Variants in KCNQ1 observed in about 807,000 individuals in gnomAD.
KCNQ1 encodes potassium voltage-gated channel subfamily KQT member 1.
Under a neutral mutation model 72.4 loss-of-function variants are expected in KCNQ1, and 49 were observed. The ratio of observed to expected loss-of-function variants is 0.68; its 90% CI spans 0.54 to 0.86. The LOEUF (loss-of-function observed/expected upper bound fraction) is 0.86, where lower values mean the gene tolerates loss of function less well. KCNQ1 is among the 40% of genes least tolerant of loss of function. KCNQ1 has a pLI of 0.00. For synonymous variants in KCNQ1, 450 were observed against 412.6 expected, an observed-to-expected ratio of 1.09 and a Z score of -1.10; for missense variants, 790 against 945.1, an observed-to-expected ratio of 0.84 and a Z score of 2.15.
In KCNQ1 at chr11:2,531,364, C is replaced by T. The variant is rs567053137; in HGVS notation, c.477+3346C>T. On this transcript the variant is annotated intron_variant, in intron 2 of 15. Transcript: ENST00000155840. ...GAATCACCAGCAGCACCCCAAGGCCCCCATGCGGCATCTAAACCAGGCAGG... is the reference window on the plus strand; with the variant it reads ...GAATCACCAGCAGCACCCCAAGGCCTCCATGCGGCATCTAAACCAGGCAGG... 1.2e-4 allele frequency among the ~76,000 whole-genome samples: 18 copies of T among 152,286 alleles called. No individual in the cohort carries two copies. In the South Asian group the frequency reaches 3.5e-3, roughly 30 times the overall value.
chr11:2,749,812 C>CA (rs956347490), intron 11 of KCNQ1, among the ~76,000 whole-genome samples: 24 of 150,390 alleles, frequency 1.6e-4, no homozygotes, highest in African/African-American at 5.4e-4. Flanking sequence ...GACTCCATCT[C>CA]AAAAAATATA....
chr11:2,740,726 C>T (rs1053488034), intron 11 of KCNQ1, among the ~76,000 whole-genome samples: 5 of 152,342 alleles, frequency 3.3e-5, no homozygotes, highest in African/African-American at 9.6e-5. Context: ...CCTAGGGGCG[C>T]CCACATCCCT....
intron 11 of KCNQ1, chr11:2,693,996 C>T: frequency 2.5e-6 from 1 of 398,738 alleles, no homozygotes; most frequent in Non-Finnish European, 4.4e-6. Flanking sequence ...AGCCCGGCCT[C>T]TCTAGGCCAC....
In KCNQ1 at chr11:2,653,409, A is replaced by G. The variant is rs754185235; in HGVS notation, c.1394-8552A>G. On this transcript the variant is annotated intron_variant, in intron 10 of 15. Transcript: ENST00000155840. The surrounding 1 kb of genome is among the most constrained non-coding windows in gnomAD (Gnocchi z 5.3). ...GACTCTCTTGGTAACAAATGATGGA[A>G]CCCCAACTCAAACAAGCTTAAGCAC... The G allele has an allele frequency of 1.8e-4, 71 of 398,358 alleles. No individual in the cohort carries two copies. The highest frequency in any genetic ancestry group is 2.9e-4 in the Non-Finnish European group (66 of 226,100). The allele number at this position is 398,358 out of a possible 1,614,324, so 24.7% of individuals were successfully genotyped here.
At chr11:2,680,588 T>A in intron 11 of KCNQ1, 1 of 398,508 alleles carries the variant, frequency 2.5e-6, no homozygotes. Flanking sequence ...TTACCTAGTC[T>A]CCCCCGATAG....
At chr11:2,757,388 T>A (rs1055886887) in intron 11 of KCNQ1, among the ~76,000 whole-genome samples, 2 of 152,224 alleles carry the variant, frequency 1.3e-5, no homozygotes, top group African/African-American at 4.8e-5. Flanking sequence ...AAGATGTATA[T>A]ACTAAAAACT....
At chr11:2,580,608 C>G (rs1217996755) in intron 6 of KCNQ1, among the ~76,000 whole-genome samples, 1 of 152,156 alleles carries the variant, frequency 6.6e-6, no homozygotes. Flanking sequence ...CCTGTTAGTG[C>G]CCCCCAGCCA....
At chr11:2,765,714 A>G (rs1846485046) in intron 11 of KCNQ1, among the ~76,000 whole-genome samples, 1 of 152,240 alleles carries the variant, frequency 6.6e-6, no homozygotes, top group African/African-American at 2.4e-5. Context: ...TTTTATAAAT[A>G]GGACATATTC....
intron 15 of KCNQ1, among the ~76,000 whole-genome samples, chr11:2,839,354 T>C (rs944478647): frequency 6.6e-6 from 1 of 152,220 alleles, no homozygotes; most frequent in Admixed American, 6.5e-5. Flanking sequence ...GTCCCCACCC[T>C]GAAGTTGACA....
intron 1 of KCNQ1, among the ~76,000 whole-genome samples, chr11:2,520,362 G>A (rs1589926173): frequency 6.6e-6 from 1 of 152,334 alleles, no homozygotes; most frequent in East Asian, 1.9e-4. Flanking sequence ...GGCCCTCGGT[G>A]TGGGCCAGGG....
intron 11 of KCNQ1, chr11:2,684,988 G>A: frequency 5.0e-6 from 2 of 398,658 alleles, no homozygotes; most frequent in Non-Finnish European, 8.8e-6. Context: ...TTACGGACTG[G>A]TTGCTTTTCA....
intron 10 of KCNQ1, chr11:2,625,275 A>C (rs1849244851): frequency 1.5e-5 from 6 of 398,518 alleles, no homozygotes; most frequent in Non-Finnish European, 2.7e-5. Context: ...TTTTGAGACA[A>C]GATCTGGCTC....
Position 2,495,417 on chromosome 11 carries a change from A to C in KCNQ1, c.387-32511A>C, listed in dbSNP as rs995003485. Among the ~76,000 whole-genome samples, 14 of 151,854 alleles carry C rather than the reference A, an allele frequency of 9.2e-5. No individual in the cohort carries two copies. The highest frequency in any genetic ancestry group is 3.4e-4 in the African/African-American group (14 of 41,304). ...TTGCTCTTGCTTCTCTAGTTCTTTT[A>C]ATTGTGATGTTTGGGTGTCGATTTC... is the stretch of plus-strand genomic sequence containing the variant. On this transcript the variant is annotated intron_variant, in intron 1 of 15. Transcript: ENST00000155840. The surrounding 1 kb of genome is among the most constrained non-coding windows in gnomAD (Gnocchi z 4.6).
chr11:2,717,216 G>A (rs1851107619), intron 11 of KCNQ1, among the ~76,000 whole-genome samples: 1 of 152,186 alleles, frequency 6.6e-6, no homozygotes, highest in Non-Finnish European at 1.5e-5. Flanking sequence ...GTGTCCCTCA[G>A]ACCCCACGGC....
At chr11:2,842,817 GCT>G (rs1172845964) in intron 15 of KCNQ1, among the ~76,000 whole-genome samples, 1 of 152,220 alleles carries the variant, frequency 6.6e-6, no homozygotes, top group African/African-American at 2.4e-5. Context: ...TGAGCACCAT[GCT>G]CTGTCCCTGG....
rs1019868888 is a variant in KCNQ1, at chr11:2,457,687, C to T, written c.386+12203C>T. On this transcript the variant is annotated intron_variant, in intron 1 of 15. Transcript: ENST00000155840. The surrounding 1 kb of genome is among the most constrained non-coding windows in gnomAD (Gnocchi z 5.0). ...TTACCTGTGGGTGCTGTGCGCACTA[C>T]GTGGGAGACCGGATCGTTTGTACTC... Among the ~76,000 whole-genome samples, 4 of 151,998 alleles carry T rather than the reference C, an allele frequency of 2.6e-5. No individual in the cohort carries two copies. Among genetic ancestry groups the T allele is most frequent in the African/African-American group, 4.8e-5 (2 of 41,334 alleles).
At chr11:2,577,739 A>G (rs1848444078) in intron 6 of KCNQ1, among the ~76,000 whole-genome samples, 1 of 151,878 alleles carries the variant, frequency 6.6e-6, no homozygotes, top group African/African-American at 2.4e-5. Flanking sequence ...TGTTCCTGAG[A>G]GACAGGCCGG....
In KCNQ1 at chr11:2,587,563, A is replaced by G. The variant is rs757690507; in HGVS notation, c.1129-7A>G. 1.2e-6 allele frequency: 2 copies of G among 1,613,446 alleles called. No homozygotes were observed. The highest frequency in any genetic ancestry group is 2.2e-5 in the South Asian group (2 of 91,078). On this transcript the variant is annotated splice_polypyrimidine_tract_variant and splice_region_variant and intron_variant, in intron 8 of 15. Coordinates refer to ENST00000155840, the MANE Select transcript of KCNQ1 (RefSeq NM_000218.3). ...AGGTGACAGCCTGTCCCCCTGCCCG[A>G]CCTCAGACCGCATGGAGGTGCTATG...
At chr11:2,575,390 G>C (rs1848407998) in intron 6 of KCNQ1, among the ~76,000 whole-genome samples, 1 of 152,148 alleles carries the variant, frequency 6.6e-6, no homozygotes. Context: ...CAGGGCTGTG[G>C]GGCAAACAGC....
Sources: gnomAD v4.1 joint callset for allele counts (sites outside exome capture counted in the v4.1 genomes callset) on GRCh38, gnomAD v4.1.1 for gene constraint, Gnocchi (gnomAD v3.1) non-coding constraint, MANE v1.5 for transcripts, NCBI Gene and HGNC (gene_info 2026-07-23, HGNC 2026-07-21) for gene names.